The following VMP1 variants were observed in gnomAD, a reference collection of about 807,000 sequenced individuals.
The protein encoded by VMP1 is vacuole membrane protein 1, also known as ectopic P-granules autophagy protein 3 homolog.
A neutral mutation model predicts 56.0 loss-of-function variants in VMP1; 11 were observed. The ratio of observed to expected loss-of-function variants is 0.20; its 90% CI spans 0.12 to 0.32. The LOEUF (loss-of-function observed/expected upper bound fraction) is 0.32. Ranked by LOEUF, VMP1 falls within the 10% of genes least tolerant of loss-of-function variation. The pLI is 1.00. For missense variants in VMP1, 296 were observed against 490.3 expected (o/e 0.60, Z 3.74); for synonymous variants, 149 against 165.0 (o/e 0.90, Z 0.74).
chr17:59,736,209 C>A (rs1243154495), intron 3 of VMP1, among the ~76,000 whole-genome samples: 1 of 151,816 alleles, frequency 6.6e-6, no homozygotes, highest in Non-Finnish European at 1.5e-5. Context: ...GAATTCGAGA[C>A]CTGGCCAACA....
chr17:59,790,404 G>T (rs1379206728), intron 7 of VMP1, among the ~76,000 whole-genome samples: 1 of 152,044 alleles, frequency 6.6e-6, no homozygotes, highest in African/African-American at 2.4e-5. Context: ...CTAAAACTTT[G>T]TATTTTTACT....
At chr17:59,765,543 A>G (rs766931885) in intron 6 of VMP1, among the ~76,000 whole-genome samples, 1 of 152,260 alleles carries the variant, frequency 6.6e-6, no homozygotes, top group South Asian at 2.1e-4. Context: ...GATAAATAGT[A>G]GATTAACACA....
At chr17:59,789,434 C>A (rs1026534518) in intron 7 of VMP1, among the ~76,000 whole-genome samples, 17 of 151,832 alleles carry the variant, frequency 1.1e-4, no homozygotes, top group African/African-American at 4.1e-4. Flanking sequence ...ACTCGGGAGA[C>A]TGAGGCAGGA....
chr17:59,710,877 C>T (rs1456896137), intron 1 of VMP1, among the ~76,000 whole-genome samples: 1 of 152,086 alleles, frequency 6.6e-6, no homozygotes, highest in Non-Finnish European at 1.5e-5. Context: ...TTGAGACTAG[C>T]CTGTCTAACA....
At chr17:59,829,602 AG>A (rs1200982038) in intron 10 of VMP1, among the ~76,000 whole-genome samples, 1 of 152,126 alleles carries the variant, frequency 6.6e-6, no homozygotes, top group East Asian at 1.9e-4. Context: ...ATCACTGCCT[AG>A]GGGGTAGGAA....
chr17:59,817,458 TCTC>T (rs773824157), intron 9 of VMP1, among the ~76,000 whole-genome samples: 5 of 151,054 alleles, frequency 3.3e-5, no homozygotes, highest in Non-Finnish European at 7.4e-5. Flanking sequence ...TTCAAGCAAT[TCTC>T]CTGCCTCAGC....
At chr17:59,834,626 ATT>A (rs34575746) in intron 10 of VMP1, among the ~76,000 whole-genome samples, 4 of 109,674 alleles carry the variant, frequency 3.6e-5, no homozygotes, top group Admixed American at 9.7e-5. Flanking sequence ...TGCCCAGCTA[ATT>A]TTTTTTTTTT....
intron 5 of VMP1, among the ~76,000 whole-genome samples, chr17:59,751,316 C>T (rs2035633780): frequency 6.6e-6 from 1 of 152,136 alleles, no homozygotes; most frequent in African/African-American, 2.4e-5. Context: ...CTTATTTATT[C>T]TCTCATGTAG....
chr17:59,782,866 A>G (rs1248079792), intron 7 of VMP1, among the ~76,000 whole-genome samples: 3 of 152,182 alleles, frequency 2.0e-5, no homozygotes, highest in Admixed American at 1.3e-4. Context: ...TTGCTTTGCC[A>G]TGTGCTTTCC....
At chr17:59,814,546 T>C (rs1307474314) in intron 9 of VMP1, among the ~76,000 whole-genome samples, 1 of 152,234 alleles carries the variant, frequency 6.6e-6, no homozygotes, top group Non-Finnish European at 1.5e-5. Context: ...AATTGTTTAA[T>C]GCCTGCTATT....
intron 8 of VMP1, among the ~76,000 whole-genome samples, chr17:59,810,214 C>T (rs377306419): frequency 4.6e-5 from 7 of 152,004 alleles, no homozygotes; most frequent in African/African-American, 1.2e-4. Context: ...AGTGCAGTGG[C>T]GAGATCTTGG....
chr17:59,784,300 A>T (rs2036932296), intron 7 of VMP1, among the ~76,000 whole-genome samples: 1 of 151,914 alleles, frequency 6.6e-6, no homozygotes, highest in Admixed American at 6.6e-5. Flanking sequence ...CTTTTTCGTA[A>T]CTTTGCCTAG....
intron 7 of VMP1, among the ~76,000 whole-genome samples, chr17:59,801,110 ATATGTGTGTGTGTGTGTG>A (rs1339390706): frequency 5.5e-5 from 6 of 109,726 alleles, no homozygotes; most frequent in African/African-American, 2.7e-4. Flanking sequence ...ATATATATAT[ATATGTGTGTGTGTGTGTG>A]TGTGTGTGTG....
At chr17:59,768,373 C>A (rs1406941918) in intron 6 of VMP1, among the ~76,000 whole-genome samples, 1 of 151,908 alleles carries the variant, frequency 6.6e-6, no homozygotes, top group African/African-American at 2.4e-5. Context: ...GAGGCCAAGG[C>A]AGGTGGATCA....
chr17:59,794,650 C>T (rs1048585991), intron 7 of VMP1, among the ~76,000 whole-genome samples: 4 of 144,178 alleles, frequency 2.8e-5, no homozygotes, highest in Non-Finnish European at 4.5e-5. Context: ...AAAAGGAGGG[C>T]GAGAGAGCAC....
At chr17:59,811,584 A>G in intron 8 of VMP1, 86 bp from the exon 9 acceptor site, 1 of 1,003,696 alleles carries the variant, frequency 1.0e-6, no homozygotes, top group East Asian at 2.4e-5. Flanking sequence ...AAGCAGGCTG[A>G]AAGCAGAATA....
intron 5 of VMP1, among the ~76,000 whole-genome samples, chr17:59,749,695 G>A (rs926659409): frequency 2.0e-5 from 3 of 151,928 alleles, no homozygotes; most frequent in African/African-American, 7.3e-5. Context: ...AGTTTTAGTA[G>A]AGACGGGGTT....
At chr17:59,759,382 TA>T (rs2035961132) in intron 5 of VMP1, among the ~76,000 whole-genome samples, 1 of 56,070 alleles carries the variant, frequency 1.8e-5, no homozygotes, top group African/African-American at 3.6e-5. Flanking sequence ...TCAAAAAAAA[TA>T]AAATAAAGAA....
intron 9 of VMP1, among the ~76,000 whole-genome samples, chr17:59,815,320 A>T (rs1468892365): frequency 1.3e-5 from 2 of 152,182 alleles, no homozygotes; most frequent in African/African-American, 4.8e-5. Flanking sequence ...CAAATAATTA[A>T]GAAAAGCAAC....
Sources: gnomAD v4.1 joint callset for allele counts (sites outside exome capture counted in the v4.1 genomes callset) on GRCh38, gnomAD v4.1.1 for gene constraint, MANE v1.5 for transcripts, NCBI Gene and HGNC (gene_info 2026-07-23, HGNC 2026-07-21) for gene names.